CMTM3: variants seen among roughly 807,000 people sequenced by gnomAD.
The protein encoded by CMTM3 is CKLF like MARVEL transmembrane domain containing 3.
A neutral mutation model predicts 18.2 loss-of-function variants in CMTM3; 7 were observed. The ratio of observed to expected loss-of-function variants is 0.38; its 90% CI spans 0.22 to 0.72. CMTM3 has a LOEUF of 0.72. Ranked by LOEUF, CMTM3 falls within the 30% of genes least tolerant of loss-of-function variation. The probability of loss-of-function intolerance (pLI) is 0.46; values close to 1 mark genes in which losing one functional copy is unlikely to be tolerated. For synonymous variants in CMTM3, 109 were observed against 111.2 expected, an observed-to-expected ratio of 0.98 and a Z score of 0.12; for missense variants, 227 against 249.2, an observed-to-expected ratio of 0.91 and a Z score of 0.60.
chr16:66,604,569 A>T (rs1434161295), upstream of CMTM3: 1 of 322,260 alleles, frequency 3.1e-6, no homozygotes, highest in Non-Finnish European at 5.6e-6. Flanking sequence ...GAGTCTGCGG[A>T]GGCCCCAGGC....
chr16:66,604,962 GC>G lies in CMTM3; in HGVS notation c.147+11del. The G allele has an allele frequency of 6.7e-7, 1 of 1,492,398 alleles. No homozygotes were observed. Among genetic ancestry groups the G allele is most frequent in the South Asian group, 1.3e-5 (1 of 79,246 alleles). The allele number at this position is 1,492,398 out of a possible 1,614,324, so 92.4% of individuals were successfully genotyped here. On this transcript the variant is annotated intron_variant, in intron 1 of 4. Coordinates refer to ENST00000567572, the MANE Select transcript of CMTM3 (RefSeq NM_181553.4). Reference sequence around the variant, plus strand: ...CCTGCTGGCCGAGTCGGTGAGTGCGGCGGGACCCTCGGCCGCCCCGCTAGGA... The same window carrying G: ...CCTGCTGGCCGAGTCGGTGAGTGCGGGGGACCCTCGGCCGCCCCGCTAGGA...
Position 66,608,355 on chromosome 16 carries a change from C to T in CMTM3, c.194C>T (p.Ser65Phe), listed in dbSNP as rs146220968. 21 of 1,614,224 alleles carry T rather than the reference C, an allele frequency of 1.3e-5. No individual in the cohort carries two copies. The African/African-American group carries it at 2.3e-4, about 17-fold the overall frequency. The change falls in exon 2 of 5, where the codon TCT (serine) becomes TTT (phenylalanine). Residue 65 changes from serine to phenylalanine, a missense_variant. Ser to Phe is a radical substitution (Grantham distance 155). Transcript: ENST00000567572. This position sits in a 1 kb window ranked among gnomAD's most constrained non-coding sequence, Gnocchi z 5.1. ...ATCTGCTATGTGGCGTCCTCAGCAT[C>T]TGCCTTCCTCACAGCGCCTCTGCTG... ...TFICYVASSA[S>F]AFLTAPLLEF...
chr16:66,612,689 G>A lies in CMTM3; in HGVS notation c.*52G>A, dbSNP rs78308771. 2.3e-4 allele frequency: 359 copies of A among 1,581,436 alleles called. No individual in the cohort carries two copies. The African/African-American group carries it at 3.9e-3, about 17-fold the overall frequency. ...GAGCCACACAGGCCTCCACCCCTGC[G>A]CCTCACAGGGGTCGCTGGCGTTGGA... On this transcript the variant is annotated 3_prime_UTR_variant, in exon 5 of 5. Transcript: ENST00000567572. The surrounding 1 kb of genome is among the most constrained non-coding windows in gnomAD (Gnocchi z 6.0).
chr16:66,606,865 C>T (rs889069364), intron 1 of CMTM3, among the ~76,000 whole-genome samples: 3 of 152,114 alleles, frequency 2.0e-5, no homozygotes, highest in African/African-American at 4.8e-5. Flanking sequence ...TGGTGGCGGG[C>T]GCCTGTAATC....
chr16:66,607,051 T>G (rs2015184455), intron 1 of CMTM3, among the ~76,000 whole-genome samples: 2 of 152,196 alleles, frequency 1.3e-5, no homozygotes, highest in Admixed American at 1.3e-4. Flanking sequence ...GTTCAAATTC[T>G]AGTAGCCTCT....
At chr16:66,604,975 C>T (rs1483914648) in intron 1 of CMTM3, 23 bp downstream of exon 1, 1 of 1,472,246 alleles carries the variant, frequency 6.8e-7, no homozygotes, top group Non-Finnish European at 8.9e-7. Context: ...GGACCCTCGG[C>T]CGCCCCGCTA....
At position 66,610,929 on chromosome 16, in the gene CMTM3, G is replaced by A. The variant is rs140457586; in HGVS notation, c.520+926G>A. ...AAATGAATGCCACTCATCCCATCCC[G>A]TCCCTTGGCAAATATTAGGTTAGAG... On this transcript the variant is annotated intron_variant, in intron 4 of 4. Transcript: ENST00000567572. The surrounding 1 kb of genome is among the most constrained non-coding windows in gnomAD (Gnocchi z 4.6). 43 of 398,520 alleles carry A rather than the reference G, an allele frequency of 1.1e-4. No individual in the cohort carries two copies. Among genetic ancestry groups the A allele is most frequent in the Admixed American group, 8.8e-4 (20 of 22,714 alleles). The allele number at this position is 398,520 out of a possible 1,614,324, so 24.7% of individuals were successfully genotyped here. A position where few individuals can be genotyped will look rare whatever the true frequency, so the allele number is the denominator to read the frequency against.
At position 66,612,401 on chromosome 16, in the gene CMTM3, AAGAG is replaced by A. The variant is rs922225945; in HGVS notation, c.521-200_521-197del. Among the ~76,000 whole-genome samples, 8 of 151,976 alleles carry A rather than the reference AAGAG, an allele frequency of 5.3e-5. No individual in the cohort carries two copies. Among genetic ancestry groups the A allele is most frequent in the African/African-American group, 1.4e-4 (6 of 41,394 alleles). On this transcript the variant is annotated intron_variant, in intron 4 of 4. Transcript: ENST00000567572. The surrounding 1 kb of genome is among the most constrained non-coding windows in gnomAD (Gnocchi z 6.0). The stretch of plus-strand genomic sequence containing the variant: ...AGACAAAAAACAACAACAAAAAAAA[AAGAG>A]AGAGAGAAAGTGGCTGCTGCCTGTG...
At position 66,612,359 on chromosome 16, in the gene CMTM3, G is replaced by T. The variant is rs1156696225; in HGVS notation, c.521-250G>T. ...CATTGCACTCCAGCCTGGGTGATGAGCAAGACTCTGTCTCAAAGACAAAAA... is the reference window on the plus strand; with the variant it reads ...CATTGCACTCCAGCCTGGGTGATGATCAAGACTCTGTCTCAAAGACAAAAA... On this transcript the variant is annotated intron_variant, in intron 4 of 4. Transcript: ENST00000567572. The surrounding 1 kb of genome is among the most constrained non-coding windows in gnomAD (Gnocchi z 6.0). Among the ~76,000 whole-genome samples, 1 of 152,130 alleles carries T rather than the reference G, an allele frequency of 6.6e-6. No homozygotes were observed. The highest frequency in any genetic ancestry group is 2.4e-5 in the African/African-American group (1 of 41,422).
chr16:66,612,951 T>C lies in CMTM3; in HGVS notation c.*314T>C. ...AGCACAAGGAGACAAAGCAGAGCCT[T>C]GTCTGTATCTGGGCAGCAGGTGTTC... On this transcript the variant is annotated 3_prime_UTR_variant, in exon 5 of 5. Transcript: ENST00000567572. The surrounding 1 kb of genome is among the most constrained non-coding windows in gnomAD (Gnocchi z 6.0). 1.5e-6 allele frequency: 1 copy of C among 665,250 alleles called. No individual in the cohort carries two copies. The highest frequency in any genetic ancestry group is 2.2e-5 in the Admixed American group (1 of 45,002). 41.2% of individuals were successfully genotyped at this position (665,250 alleles called of 1,614,324 possible).
chr16:66,607,512 A>G (rs932684772), intron 1 of CMTM3, among the ~76,000 whole-genome samples: 1 of 152,238 alleles, frequency 6.6e-6, no homozygotes, highest in Admixed American at 6.5e-5. Context: ...ATCTTTTAAC[A>G]CAAAATAAAT....
chr16:66,612,968 C>T lies in CMTM3; in HGVS notation c.*331C>T. 2.9e-6 allele frequency: 2 copies of T among 685,564 alleles called. No homozygotes were observed. Among genetic ancestry groups the T allele is most frequent in the Non-Finnish European group, 5.3e-6 (2 of 375,200 alleles). The allele number at this position is 685,564 out of a possible 1,614,324, so 42.5% of individuals were successfully genotyped here. A position where few individuals can be genotyped will look rare whatever the true frequency, so the allele number is the denominator to read the frequency against. On this transcript the variant is annotated 3_prime_UTR_variant, in exon 5 of 5. Coordinates refer to ENST00000567572, the MANE Select transcript of CMTM3 (RefSeq NM_181553.4). This position sits in a 1 kb window ranked among gnomAD's most constrained non-coding sequence, Gnocchi z 6.0. ...CAGAGCCTTGTCTGTATCTGGGCAG[C>T]AGGTGTTCCATGCTGCTAGGTGGCG...
rs950257816 is a variant in CMTM3, at chr16:66,605,804, G to A, written c.147+852G>A. ...GCCAGGAGGGTGGGGGCAGGAGGAAGGGGGATTCTGCTCCGGGACCTCTCC... is the reference window on the plus strand; with the variant it reads ...GCCAGGAGGGTGGGGGCAGGAGGAAAGGGGATTCTGCTCCGGGACCTCTCC... On this transcript the variant is annotated intron_variant, in intron 1 of 4. Coordinates refer to ENST00000567572, the MANE Select transcript of CMTM3 (RefSeq NM_181553.4). This position sits in a 1 kb window ranked among gnomAD's most constrained non-coding sequence, Gnocchi z 4.6. 5.3e-5 allele frequency among the ~76,000 whole-genome samples: 8 copies of A among 152,182 alleles called. No individual in the cohort carries two copies. Among genetic ancestry groups the A allele is most frequent in the African/African-American group, 1.9e-4 (8 of 41,450 alleles).
chr16:66,610,010 G>A lies in CMTM3; in HGVS notation c.520+7G>A, dbSNP rs370422293. 63 of 1,614,144 alleles carry A rather than the reference G, an allele frequency of 3.9e-5. 1 individual carries two copies. Among genetic ancestry groups the A allele is most frequent in the African/African-American group, 2.0e-4 (15 of 75,054 alleles). ...ACAGCCCACAAGACAGAAGGTAAGC[G>A]GCTGCCCTGATCACCCCAGCAGTGC... On this transcript the variant is annotated splice_region_variant and intron_variant, in intron 4 of 4. Transcript: ENST00000567572. The surrounding 1 kb of genome is among the most constrained non-coding windows in gnomAD (Gnocchi z 4.6).
chr16:66,604,880 C>G lies in CMTM3; in HGVS notation c.75C>G (p.Pro25=), dbSNP rs1316848673. ...GCTCCCGTCCCGGCCCCGCGGTCCC[C>G]GGGCTCCGCGCCCTGCTGCCGGCGC... The part of the protein sequence containing the change: ...AGGSRPGPAV[P]GLRALLPARA... Residue 25 remains proline (P), a synonymous_variant, in exon 1 of 5, where the codon CCC becomes CCG. Coordinates refer to ENST00000567572, the MANE Select transcript of CMTM3 (RefSeq NM_181553.4). 2.8e-6 allele frequency: 4 copies of G among 1,426,124 alleles called. No individual in the cohort carries two copies. In the South Asian group the frequency reaches 5.7e-5, roughly 20 times the overall value. 88.3% of individuals were successfully genotyped at this position (1,426,124 alleles called of 1,614,324 possible).
At position 66,608,697 on chromosome 16, in the gene CMTM3, G is replaced by A. The variant is rs927096561; in HGVS notation, c.303+233G>A. On this transcript the variant is annotated intron_variant, in intron 2 of 4. Transcript: ENST00000567572. The surrounding 1 kb of genome is among the most constrained non-coding windows in gnomAD (Gnocchi z 5.1). ...AGCAGGTCTGTGAGGCAGGGAACCC[G>A]GAGAGGGGTCTCTGGCCACCAGGTG... is the stretch of plus-strand genomic sequence containing the variant. Among the ~76,000 whole-genome samples, 4 of 152,208 alleles carry A rather than the reference G, an allele frequency of 2.6e-5. No individual in the cohort carries two copies. Among genetic ancestry groups the A allele is most frequent in the Non-Finnish European group, 5.9e-5 (4 of 68,038 alleles).
chr16:66,609,487 C>A lies in CMTM3; in HGVS notation c.356C>A (p.Thr119Lys). The A allele has an allele frequency of 6.2e-7, 1 of 1,611,476 alleles. No homozygotes were observed. The highest frequency in any genetic ancestry group is 8.5e-7 in the Non-Finnish European group (1 of 1,178,984). ...AALIYFAISI[T>K]AIAKYSDGAS... is the part of the protein sequence containing the mutation. Reference sequence around the variant, plus strand: ...CTCATCTACTTTGCTATCTCCATCACGGCCATCGCCAAGTACTCGGATGGG... The same window carrying A: ...CTCATCTACTTTGCTATCTCCATCAAGGCCATCGCCAAGTACTCGGATGGG... Residue 119 changes from threonine to lysine, a missense_variant, in exon 3 of 5, where the codon ACG becomes AAG. By Grantham distance (78) the Thr-to-Lys change is moderately conservative. Coordinates refer to ENST00000567572, the MANE Select transcript of CMTM3 (RefSeq NM_181553.4). The surrounding 1 kb of genome is among the most constrained non-coding windows in gnomAD (Gnocchi z 4.4).
At position 66,609,505 on chromosome 16, in the gene CMTM3, C is replaced by T. The variant is rs777282641; in HGVS notation, c.374C>T (p.Ser125Leu). 2.5e-6 allele frequency: 4 copies of T among 1,607,452 alleles called. No individual in the cohort carries two copies. Among genetic ancestry groups the T allele is most frequent in the South Asian group, 1.1e-5 (1 of 89,704 alleles). ...TCCATCACGGCCATCGCCAAGTACT[C>T]GGATGGGGCTTCCAAAGCCGCTGGG... ...AISITAIAKY[S>L]DGASKAAGVF... The change falls in exon 3 of 5, where the codon TCG (serine) becomes TTG (leucine). Residue 125 changes from serine to leucine, a missense_variant. Coordinates refer to ENST00000567572, the MANE Select transcript of CMTM3 (RefSeq NM_181553.4). The surrounding 1 kb of genome is among the most constrained non-coding windows in gnomAD (Gnocchi z 4.4).
In CMTM3 at chr16:66,612,999, C is replaced by A; in HGVS notation, c.*362C>A. On this transcript the variant is annotated 3_prime_UTR_variant, in exon 5 of 5. Coordinates refer to ENST00000567572, the MANE Select transcript of CMTM3 (RefSeq NM_181553.4). The surrounding 1 kb of genome is among the most constrained non-coding windows in gnomAD (Gnocchi z 6.0). ...TTCCATGCTGCTAGGTGGCGGGGGT[C>A]GGGGGTCTTCTGTTTCACTAACAGG... 1.4e-6 allele frequency: 1 copy of A among 700,582 alleles called. No individual in the cohort carries two copies. Among genetic ancestry groups the A allele is most frequent in the Non-Finnish European group, 2.6e-6 (1 of 383,462 alleles). 43.4% of individuals were successfully genotyped at this position (700,582 alleles called of 1,614,324 possible).
Sources: allele counts gnomAD v4.1 joint callset (sites outside exome capture counted in the v4.1 genomes callset), GRCh38; gene constraint gnomAD v4.1.1; non-coding constraint Gnocchi (gnomAD v3.1); transcripts MANE v1.5; gene names NCBI Gene and HGNC (gene_info 2026-07-23, HGNC 2026-07-21).